Variants in COL3A1 observed in about 807,000 individuals in gnomAD.
The protein encoded by COL3A1 is collagen type III alpha 1 chain, also known as collagen alpha-1(III) chain.
In COL3A1, 46 loss-of-function variants were observed where a neutral mutation model predicts 200.9. That is an observed-to-expected ratio of 0.23 (90% CI 0.18 to 0.29). The LOEUF (loss-of-function observed/expected upper bound fraction) is 0.29. Among genes scored for constraint, COL3A1 ranks in the 10% least tolerant of loss-of-function variants. COL3A1 has a pLI of 1.00. For missense variants in COL3A1, 1,367 were observed against 1,917.6 expected (o/e 0.71, Z 5.36); for synonymous variants, 650 against 628.0 (o/e 1.03, Z -0.52).
At chr2:188,991,630 A>G (rs1375866650) in intron 12 of COL3A1, 39 bp from the exon 13 acceptor site, 1 of 1,612,804 alleles carries the variant, frequency 6.2e-7, no homozygotes, top group Non-Finnish European at 8.5e-7. Flanking sequence ...TACACATGTC[A>G]AGATTAGAGT....
chr2:188,993,989 G>T, intron 16 of COL3A1, 49 bp from the exon 17 acceptor site: 1 of 1,549,430 alleles, frequency 6.5e-7, no homozygotes, highest in South Asian at 1.1e-5. Flanking sequence ...AAATATATAC[G>T]AACTATTTGC....
chr2:188,977,644 C>T (rs903015705), intron 1 of COL3A1, among the ~76,000 whole-genome samples: 6 of 151,968 alleles, frequency 3.9e-5, no homozygotes, highest in Non-Finnish European at 8.8e-5. Flanking sequence ...GATTACAAAA[C>T]TAGAAAATGA....
chr2:188,980,907 A>G (rs909890789), intron 1 of COL3A1, among the ~76,000 whole-genome samples: 3 of 151,362 alleles, frequency 2.0e-5, no homozygotes, highest in African/African-American at 7.2e-5. Flanking sequence ...GATAATTTAT[A>G]TATCATATCT....
chr2:188,987,214 T>C, intron 5 of COL3A1, 75 bp downstream of exon 5: 2 of 1,213,036 alleles, frequency 1.6e-6, no homozygotes, highest in Non-Finnish European at 2.4e-6. Context: ...TGGTTGCTCT[T>C]CTAGGAATTC....
chr2:189,007,073 A>G, intron 44 of COL3A1, 83 bp downstream of exon 44: 1 of 844,978 alleles, frequency 1.2e-6, no homozygotes. Context: ...TTTATTTTCC[A>G]GCGTGTTCAG....
chr2:189,011,717 C>T lies in COL3A1; in HGVS notation c.4344C>T (p.Asp1448=), dbSNP rs762984572. Residue 1448 remains aspartate (D), a synonymous_variant, in exon 51 of 51, where the codon GAC becomes GAT. Transcript: ENST00000304636. ...RLPIVDIAPY[D]IGGPDQEFGV... ...CTATTGTAGATATTGCACCCTATGA[C>T]ATTGGTGGTCCTGATCAAGAATTTG... 1.9e-6 allele frequency: 3 copies of T among 1,614,014 alleles called. No homozygotes were observed. Among genetic ancestry groups the T allele is most frequent in the South Asian group, 1.1e-5 (1 of 91,086 alleles).
intron 3 of COL3A1, 112 bp downstream of exon 3, chr2:188,985,359 T>C: frequency 1.2e-6 from 1 of 860,622 alleles, no homozygotes; most frequent in East Asian, 2.6e-5. Flanking sequence ...TACCACATAT[T>C]TGAATAATGG....
Position 189,008,020 on chromosome 2 carries a change from A to G in COL3A1, c.3418-15A>G, listed in dbSNP as rs754815421. 7.4e-6 allele frequency: 12 copies of G among 1,613,926 alleles called. No individual in the cohort carries two copies. The highest frequency in any genetic ancestry group is 6.6e-5 in the South Asian group (6 of 91,074). On this transcript the variant is annotated splice_polypyrimidine_tract_variant and intron_variant, in intron 46 of 50. Transcript: ENST00000304636. Reference sequence around the variant, plus strand: ...AAAGATATTCTGGCATTGTGATGTCATGATACTTTCTTAGGGACCTGTTGG... The same window carrying G: ...AAAGATATTCTGGCATTGTGATGTCGTGATACTTTCTTAGGGACCTGTTGG...
Position 188,985,727 on chromosome 2 carries a change from T to C in COL3A1, c.396T>C (p.Pro132=). 1 of 1,611,858 alleles carries C rather than the reference T, an allele frequency of 6.2e-7. No homozygotes were observed. The highest frequency in any genetic ancestry group is 2.2e-5 in the East Asian group (1 of 44,788). ...DPGIPGQPGS[P]GSPGPPGICE... is the part of the protein sequence containing the mutation. ...GTATTCCAGGACAACCAGGGTCCCCTGGTTCTCCTGGCCCCCCTGGAATCT... is the reference window on the plus strand; with the variant it reads ...GTATTCCAGGACAACCAGGGTCCCCCGGTTCTCCTGGCCCCCCTGGAATCT... Residue 132 remains proline, a synonymous_variant, in exon 4 of 51, where the codon CCT becomes CCC. Coordinates refer to ENST00000304636, the MANE Select transcript of COL3A1 (RefSeq NM_000090.4).
At chr2:189,007,718 G>T in intron 45 of COL3A1, 111 bp downstream of exon 45, 1 of 1,245,180 alleles carries the variant, frequency 8.0e-7, no homozygotes, top group African/African-American at 1.5e-5. Context: ...ATGAGAAATG[G>T]ATTTGAAGGC....
At chr2:188,995,548 C>T (rs1007471498) in intron 21 of COL3A1, 144 bp from the exon 22 acceptor site, 1 of 628,256 alleles carries the variant, frequency 1.6e-6, no homozygotes, top group Non-Finnish European at 2.8e-6. Context: ...GCTAAGATAA[C>T]TGATTTTATG....
chr2:189,010,382 C>CT lies in COL3A1; in HGVS notation c.4011+24dup, dbSNP rs761798265. The CT allele has an allele frequency of 6.2e-7, 1 of 1,613,066 alleles. No homozygotes were observed. Among genetic ancestry groups the CT allele is most frequent in the Non-Finnish European group, 8.5e-7 (1 of 1,179,140 alleles). On this transcript the variant is annotated intron_variant, in intron 49 of 50. Coordinates refer to ENST00000304636, the MANE Select transcript of COL3A1 (RefSeq NM_000090.4). ...GGTTTTCAGGTAGGAAAGGATATACCTTTTTTTAAATAAGTCACCTCTATA... is the reference window on the plus strand; with the variant it reads ...GGTTTTCAGGTAGGAAAGGATATACCTTTTTTTTAAATAAGTCACCTCTATA...
intron 47 of COL3A1, 191 bp from the exon 48 acceptor site, chr2:189,008,733 G>A: frequency 3.2e-6 from 2 of 629,038 alleles, no homozygotes; most frequent in African/African-American, 1.8e-5. Context: ...TATCTTTCTT[G>A]ATAATGAATT....
Position 188,991,044 on chromosome 2 carries a change from C to T in COL3A1, c.839C>T (p.Ala280Val), listed in dbSNP as rs1422693997. Reference sequence around the variant, plus strand: ...AATGGAGAAAAGGGTGAAACAGGTGCTCCTGGATTAAAGGTAAATCACAAC... The same window carrying T: ...AATGGAGAAAAGGGTGAAACAGGTGTTCCTGGATTAAAGGTAAATCACAAC... ...GRNGEKGETG[A>V]PGLKGENGLP... Residue 280 changes from alanine (A) to valine (V), a missense_variant, in exon 11 of 51, where the codon GCT becomes GTT. Physicochemically the swap from Ala to Val is moderately conservative, Grantham distance 64. Coordinates refer to ENST00000304636, the MANE Select transcript of COL3A1 (RefSeq NM_000090.4). 1 of 1,613,092 alleles carries T rather than the reference C, an allele frequency of 6.2e-7. No homozygotes were observed. Among genetic ancestry groups the T allele is most frequent in the Non-Finnish European group, 8.5e-7 (1 of 1,179,418 alleles).
At chr2:188,992,257 G>T (rs765048281) in intron 14 of COL3A1, 29 bp downstream of exon 14, 1 of 1,606,342 alleles carries the variant, frequency 6.2e-7, no homozygotes, top group Non-Finnish European at 8.5e-7. Context: ...CTTATGTGTT[G>T]TAGGGTAATG....
intron 40 of COL3A1, 117 bp downstream of exon 40, chr2:189,004,481 A>G (rs1224889881): frequency 2.2e-6 from 2 of 905,364 alleles, no homozygotes; most frequent in African/African-American, 3.4e-5. Context: ...CCAGGAGATA[A>G]TTTTTTTTTA....
intron 10 of COL3A1, among the ~76,000 whole-genome samples, chr2:188,990,624 TTA>T (rs1321124660): frequency 6.6e-6 from 1 of 152,192 alleles, no homozygotes; most frequent in African/African-American, 2.4e-5. Flanking sequence ...ATTTTGTGAA[TTA>T]TGTTTTTTAT....
In COL3A1 at chr2:188,998,637, C is replaced by T. The variant is rs1185095855; in HGVS notation, c.1978-37C>T. 2.5e-6 allele frequency: 4 copies of T among 1,601,690 alleles called. No individual in the cohort carries two copies. The Admixed American group carries it at 6.7e-5, about 27-fold the overall frequency. ...TGCTTATATTTACATAAAATGCACT[C>T]TGATATGGGCCTAATCATATAATGC... is the stretch of plus-strand genomic sequence containing the variant. On this transcript the variant is annotated intron_variant, in intron 28 of 50. Transcript: ENST00000304636.
Position 188,994,627 on chromosome 2 carries a change from T to C in COL3A1, c.1347+33T>C, listed in dbSNP as rs777140610. 52 of 1,613,756 alleles carry C rather than the reference T, an allele frequency of 3.2e-5. No individual in the cohort carries two copies. Among genetic ancestry groups the C allele is most frequent in the Non-Finnish European group, 4.2e-5 (49 of 1,179,856 alleles). On this transcript the variant is annotated intron_variant, in intron 19 of 50. Transcript: ENST00000304636. The surrounding 1 kb of genome is among the most constrained non-coding windows in gnomAD (Gnocchi z 4.5). ...TTACTGCAACAGATCTGGTTATTTC[T>C]TGAAAAAATGCAACATAATTAGAAA...
Sources: gnomAD v4.1 joint callset for allele counts (sites outside exome capture counted in the v4.1 genomes callset) on GRCh38, gnomAD v4.1.1 for gene constraint, Gnocchi (gnomAD v3.1) non-coding constraint, MANE v1.5 for transcripts, NCBI Gene and HGNC (gene_info 2026-07-23, HGNC 2026-07-21) for gene names.